DGCR2: variants seen among roughly 807,000 people sequenced by gnomAD.
DGCR2 encodes integral membrane protein DGCR2/IDD.
A neutral mutation model predicts 51.6 loss-of-function variants in DGCR2; 24 were observed. The ratio of observed to expected loss-of-function variants is 0.47; its 90% CI spans 0.34 to 0.65. The LOEUF is 0.65. Among genes scored for constraint, DGCR2 ranks in the 30% least tolerant of loss-of-function variants. The pLI is 0.01. For missense variants in DGCR2, 765 were observed against 772.1 expected (o/e 0.99, Z 0.11); for synonymous variants, 340 against 315.4 (o/e 1.08, Z -0.82).
chr22:19,122,234 G>GGTTGCGTGACCCC lies in DGCR2; in HGVS notation c.-29_-28insGGGGTCACGCAAC. On this transcript the variant is annotated 5_prime_UTR_variant, in exon 1 of 10. Transcript: ENST00000263196. ...ATCCTCCGTTCATCGTCCCCGGGGC[G>GGTTGCGTGACCCC]GCTGGAAGGCCGGACCAGGCCGGAC... The GGTTGCGTGACCCC allele has an allele frequency of 8.5e-7, 1 of 1,172,972 alleles. No homozygotes were observed. Among genetic ancestry groups the GGTTGCGTGACCCC allele is most frequent in the Non-Finnish European group, 1.1e-6 (1 of 882,976 alleles). The allele number at this position is 1,172,972 out of a possible 1,614,324, so 72.7% of individuals were successfully genotyped here. A position where few individuals can be genotyped will look rare whatever the true frequency, so the allele number is the denominator to read the frequency against.
At position 19,057,802 on chromosome 22, in the gene DGCR2, C is replaced by G. The variant is rs2146326227; in HGVS notation, c.626-640G>C. Among the ~76,000 whole-genome samples, 1 of 152,250 alleles carries G rather than the reference C, an allele frequency of 6.6e-6. No individual in the cohort carries two copies. The highest frequency in any genetic ancestry group is 2.4e-5 in the African/African-American group (1 of 41,568). ...GGCAGTCAGAAACCGTGTACCCCTG[C>G]CGCAGAGAGCGTGAGGGTTGGGGAC... On this transcript the variant is annotated intron_variant, in intron 5 of 9. Coordinates refer to ENST00000263196, the MANE Select transcript of DGCR2 (RefSeq NM_005137.3). This position sits in a 1 kb window ranked among gnomAD's most constrained non-coding sequence, Gnocchi z 5.1.
At chr22:19,082,660 G>A (rs1004168272) in intron 2 of DGCR2, among the ~76,000 whole-genome samples, 1 of 151,960 alleles carries the variant, frequency 6.6e-6, no homozygotes, top group Non-Finnish European at 1.5e-5. Context: ...TGAGGCAGGA[G>A]AATCACTTGA....
rs2082380425 is a variant in DGCR2, at chr22:19,037,296, CAA to C, written c.*1567_*1568del. 6.6e-6 allele frequency: 1 copy of C among 152,256 alleles called. No individual in the cohort carries two copies. Among genetic ancestry groups the C allele is most frequent in the Admixed American group, 6.5e-5 (1 of 15,280 alleles). The allele number at this position is 152,256 out of a possible 1,614,324, so 9.4% of individuals were successfully genotyped here. On this transcript the variant is annotated 3_prime_UTR_variant, in exon 10 of 10. Coordinates refer to ENST00000263196, the MANE Select transcript of DGCR2 (RefSeq NM_005137.3). ...CTCTGGACAGTTCTGGCACAAAGGTCAAGTCTGTCTGTGGGCAACTCAAGATT... is the reference window on the plus strand; with the variant it reads ...CTCTGGACAGTTCTGGCACAAAGGTCGTCTGTCTGTGGGCAACTCAAGATT...
chr22:19,098,133 A>G (rs1445880957), intron 1 of DGCR2, among the ~76,000 whole-genome samples: 3 of 152,160 alleles, frequency 2.0e-5, no homozygotes, highest in African/African-American at 7.2e-5. Flanking sequence ...CAGCAGAATG[A>G]CTGTCTTGCT....
intron 5 of DGCR2, among the ~76,000 whole-genome samples, chr22:19,059,214 G>A (rs1410961677): frequency 6.6e-6 from 1 of 152,144 alleles, no homozygotes; most frequent in East Asian, 1.9e-4. Context: ...GAGGTGAAAA[G>A]GACCCCCAGC....
chr22:19,079,232 G>A (rs918866190), intron 2 of DGCR2, among the ~76,000 whole-genome samples: 11 of 152,128 alleles, frequency 7.2e-5, no homozygotes, highest in African/African-American at 2.4e-4. Flanking sequence ...GAGTGCCAAC[G>A]TTGTACTCAA....
intron 3 of DGCR2, among the ~76,000 whole-genome samples, chr22:19,066,888 C>A (rs1479630851): frequency 6.6e-6 from 1 of 152,236 alleles, no homozygotes; most frequent in East Asian, 1.9e-4. Context: ...GCACTGTGAA[C>A]TGCCCCTTCC....
intron 1 of DGCR2, 146 bp downstream of exon 1, chr22:19,121,982 G>A: frequency 2.6e-6 from 1 of 387,978 alleles, no homozygotes; most frequent in Non-Finnish European, 4.1e-6. Context: ...CGCAGAGAGT[G>A]CCAGGCGGCC....
At chr22:19,075,668 AATGGAAACATACAGTATTT>A (rs1445493329) in intron 2 of DGCR2, among the ~76,000 whole-genome samples, 1 of 152,214 alleles carries the variant, frequency 6.6e-6, no homozygotes, top group Non-Finnish European at 1.5e-5. Flanking sequence ...AGCACATCTA[AATGGAAACATACAGTATTT>A]GTTATTTTGT....
chr22:19,092,296 A>T (rs2083087430), intron 1 of DGCR2, among the ~76,000 whole-genome samples: 1 of 152,056 alleles, frequency 6.6e-6, no homozygotes, highest in South Asian at 2.1e-4. Flanking sequence ...GGAAGCCAAG[A>T]TTACACAACT....
intron 1 of DGCR2, among the ~76,000 whole-genome samples, chr22:19,104,229 A>G (rs956552866): frequency 2.6e-5 from 4 of 152,022 alleles, no homozygotes; most frequent in African/African-American, 9.7e-5. Context: ...ACCCCCAGAG[A>G]CCCCTGGGCA....
intron 7 of DGCR2, chr22:19,046,064 A>G (rs1191760648): frequency 6.6e-6 from 1 of 152,176 alleles, no homozygotes; most frequent in Non-Finnish European, 1.5e-5. Flanking sequence ...CAATACCTAC[A>G]AAAATGTCTG....
chr22:19,102,841 A>C (rs1895207234), intron 1 of DGCR2, among the ~76,000 whole-genome samples: 1 of 151,910 alleles, frequency 6.6e-6, no homozygotes, highest in Admixed American at 6.6e-5. Flanking sequence ...CCTCATCTCC[A>C]CAAAAAATAG....
intron 1 of DGCR2, among the ~76,000 whole-genome samples, chr22:19,106,026 A>C (rs2083258083): frequency 1.4e-5 from 2 of 147,968 alleles, no homozygotes; most frequent in Admixed American, 6.7e-5. Flanking sequence ...CAACCTCCCC[A>C]CCCCTGTAGC....
At chr22:19,068,068 A>C in intron 3 of DGCR2, 32 bp downstream of exon 3, 4 of 1,529,896 alleles carry the variant, frequency 2.6e-6, no homozygotes, top group Non-Finnish European at 3.5e-6. Flanking sequence ...TGCACTCCCC[A>C]GTGTCCCAGT....
chr22:19,110,601 T>C (rs540387079), intron 1 of DGCR2, among the ~76,000 whole-genome samples: 1 of 150,714 alleles, frequency 6.6e-6, no homozygotes, highest in African/African-American at 2.4e-5. Context: ...GTTCTGCACA[T>C]GCATCCTGGA....
chr22:19,113,468 G>A (rs183489181), intron 1 of DGCR2, among the ~76,000 whole-genome samples: 2 of 152,138 alleles, frequency 1.3e-5, no homozygotes, highest in East Asian at 3.9e-4. Context: ...CTGAAAAGAT[G>A]GAGTCGCAGC....
chr22:19,052,651 T>C (rs1347045783), intron 6 of DGCR2, among the ~76,000 whole-genome samples: 1 of 150,526 alleles, frequency 6.6e-6, no homozygotes, highest in Non-Finnish European at 1.5e-5. Context: ...CACAGTGGCA[T>C]GCACCTGTGG....
chr22:19,099,231 C>T (rs779746440), intron 1 of DGCR2, among the ~76,000 whole-genome samples: 1 of 152,196 alleles, frequency 6.6e-6, no homozygotes, highest in Non-Finnish European at 1.5e-5. Context: ...GCACAGCACA[C>T]CAGATGGTGA....
Sources: allele counts gnomAD v4.1 joint callset (sites outside exome capture counted in the v4.1 genomes callset), GRCh38; gene constraint gnomAD v4.1.1; non-coding constraint Gnocchi (gnomAD v3.1); transcripts MANE v1.5; gene names NCBI Gene and HGNC (gene_info 2026-07-23, HGNC 2026-07-21).